The following ARHGDIB variants were observed in gnomAD, a reference collection of about 807,000 sequenced individuals.
ARHGDIB encodes the protein Rho GDP dissociation inhibitor beta.
In ARHGDIB, 20 loss-of-function variants were observed where a neutral mutation model predicts 22.6. That is an observed-to-expected ratio of 0.88 (90% confidence interval 0.62 to 1.28). The LOEUF (loss-of-function observed/expected upper bound fraction) is 1.28. Ranked by LOEUF, ARHGDIB falls within the 50% of genes most tolerant of loss-of-function variation. ARHGDIB has a pLI of 0.00. For missense variants in ARHGDIB, 254 were observed against 245.4 expected (o/e 1.04, Z -0.23); for synonymous variants, 114 against 96.1 (o/e 1.19, Z -1.09).
chr12:14,943,104 G>C (rs2120664847), intron 5 of ARHGDIB, among the ~76,000 whole-genome samples: 1 of 152,180 alleles, frequency 6.6e-6, no homozygotes, highest in East Asian at 1.9e-4. Flanking sequence ...CCAACCTCAG[G>C]TGATCCACCC....
intron 1 of ARHGDIB, among the ~76,000 whole-genome samples, chr12:14,953,631 A>G (rs1313188633): frequency 7.2e-6 from 1 of 138,436 alleles, no homozygotes; most frequent in Non-Finnish European, 1.6e-5. Flanking sequence ...TAATTATCTC[A>G]AGGAAAAAAA....
intron 1 of ARHGDIB, among the ~76,000 whole-genome samples, chr12:14,952,964 A>G (rs1323906082): frequency 6.6e-6 from 1 of 152,020 alleles, no homozygotes; most frequent in Non-Finnish European, 1.5e-5. Flanking sequence ...TGTTGAAAAG[A>G]GAAAGAGAGA....
intron 1 of ARHGDIB, among the ~76,000 whole-genome samples, chr12:14,952,050 C>T (rs1674652922): frequency 6.6e-6 from 1 of 152,070 alleles, no homozygotes; most frequent in Non-Finnish European, 1.5e-5. Flanking sequence ...TAACTCTTTT[C>T]CCTGCCTGTG....
At chr12:14,949,695 T>C in intron 3 of ARHGDIB, 107 bp downstream of exon 3, 1 of 964,858 alleles carries the variant, frequency 1.0e-6, no homozygotes, top group East Asian at 2.5e-5. Context: ...CTAGCATATA[T>C]ATCTCTCTGA....
At position 14,948,371 on chromosome 12, in the gene ARHGDIB, T is replaced by C. The variant is rs558364891; in HGVS notation, c.266-422A>G. On this transcript the variant is annotated intron_variant, in intron 3 of 5. Coordinates refer to ENST00000228945, the MANE Select transcript of ARHGDIB (RefSeq NM_001175.7). Reference sequence around the variant, plus strand: ...TAAAACATATAAGAAAAATAGTATTTAGGAGTGTCAGCTATTTGTTTTTAT... The same window carrying C: ...TAAAACATATAAGAAAAATAGTATTCAGGAGTGTCAGCTATTTGTTTTTAT... Among the ~76,000 whole-genome samples the C allele has an allele frequency of 4.1e-4, 63 of 152,328 alleles. 2 individuals are homozygous for C. Among genetic ancestry groups the C allele is most frequent in the Admixed American group, 3.6e-3 (55 of 15,298 alleles).
rs749179522 is a variant in ARHGDIB, at chr12:14,950,660, A to T, written c.53T>A (p.Leu18Gln). 3 of 1,613,896 alleles carry T rather than the reference A, an allele frequency of 1.9e-6. No individual in the cohort carries two copies. ...AGGCTTATAATTGAGCTTGCTGTCC[A>T]GCTCATCATCGTCATCCTCCTCCAC... ...PHVEEDDDDE[L>Q]DSKLNYKPPP... Residue 18 changes from leucine to glutamine, a missense_variant, in exon 2 of 6, where the codon CTG becomes CAG. Transcript: ENST00000228945.
intron 1 of ARHGDIB, among the ~76,000 whole-genome samples, chr12:14,959,081 C>A (rs559779733): frequency 9.2e-5 from 14 of 152,190 alleles, no homozygotes; most frequent in Non-Finnish European, 1.9e-4. Context: ...TGCGTTCACG[C>A]CCCTGCACTT....
At chr12:14,953,679 G>T (rs947841649) in intron 1 of ARHGDIB, among the ~76,000 whole-genome samples, 1 of 151,996 alleles carries the variant, frequency 6.6e-6, no homozygotes, top group African/African-American at 2.4e-5. Flanking sequence ...TATGATCCAG[G>T]GGTTTGTGGA....
At position 14,944,827 on chromosome 12, in the gene ARHGDIB, T is replaced by C; in HGVS notation, c.355A>G (p.Ile119Val). Reference sequence around the variant, plus strand: ...TGAACGTATTTCAGGCCTGACACAATATCCCTGTTCACCTGCAGGTGGGAA... The same window carrying C: ...TGAACGTATTTCAGGCCTGACACAACATCCCTGTTCACCTGCAGGTGGGAA... ...VKIHFKVNRD[I>V]VSGLKYVQHT... The change falls in exon 5 of 6, where the codon ATT (isoleucine) becomes GTT (valine). Residue 119 changes from isoleucine to valine, a missense_variant. Transcript: ENST00000228945. The C allele has an allele frequency of 6.2e-7, 1 of 1,613,406 alleles. No homozygotes were observed. Among genetic ancestry groups the C allele is most frequent in the Non-Finnish European group, 8.5e-7 (1 of 1,179,654 alleles).
rs1294181240 is a variant in ARHGDIB, at chr12:14,947,894, A to G, written c.321T>C (p.Tyr107=). ...TTACTTTGAAGTGAATTTTGACTCT[A>G]TATTCAGAACCTTCCTTTAACACAA... is the stretch of plus-strand genomic sequence containing the variant. ...ETIVLKEGSE[Y]RVKIHFKVNR... Residue 107 remains tyrosine (Y), a synonymous_variant, in exon 4 of 6, where the codon TAT becomes TAC. Coordinates refer to ENST00000228945, the MANE Select transcript of ARHGDIB (RefSeq NM_001175.7). The G allele has an allele frequency of 6.2e-7, 1 of 1,612,968 alleles. No homozygotes were observed. Among genetic ancestry groups the G allele is most frequent in the South Asian group, 1.1e-5 (1 of 91,062 alleles).
intron 3 of ARHGDIB, 133 bp from the exon 4 acceptor site, chr12:14,948,082 T>C: frequency 1.5e-6 from 1 of 652,842 alleles, no homozygotes; most frequent in Non-Finnish European, 2.7e-6. Context: ...ATTCACAGAG[T>C]ATTTGAGTTT....
At chr12:14,959,377 T>C (rs1864366373) in intron 1 of ARHGDIB, among the ~76,000 whole-genome samples, 1 of 152,196 alleles carries the variant, frequency 6.6e-6, no homozygotes, top group African/African-American at 2.4e-5. Context: ...CGCACCACCA[T>C]GCCCTGTGAA....
chr12:14,957,816 T>C (rs891267398), intron 1 of ARHGDIB, among the ~76,000 whole-genome samples: 5 of 146,238 alleles, frequency 3.4e-5, no homozygotes, highest in Admixed American at 2.7e-4. Flanking sequence ...GTAGAAGAGA[T>C]AGCGATGAGA....
At chr12:14,952,589 A>G (rs1033694324) in intron 1 of ARHGDIB, among the ~76,000 whole-genome samples, 4 of 152,230 alleles carry the variant, frequency 2.6e-5, no homozygotes, top group African/African-American at 9.6e-5. Context: ...TTGGAAAAAA[A>G]TGAAGGAGGC....
chr12:14,948,100 G>GCACA (rs56206040), intron 3 of ARHGDIB, 151 bp from the exon 4 acceptor site: 18,285 of 435,252 alleles, frequency 0.042, 471 homozygotes, highest in Admixed American at 0.088. Flanking sequence ...TTTAGTCCTT[G>GCACA]CACACACACA....
intron 3 of ARHGDIB, 151 bp from the exon 4 acceptor site, chr12:14,948,100 G>T: frequency 2.8e-5 from 12 of 436,270 alleles, no homozygotes; most frequent in East Asian, 1.2e-4. Context: ...TTTAGTCCTT[G>T]CACACACACA....
intron 1 of ARHGDIB, among the ~76,000 whole-genome samples, chr12:14,952,331 T>G (rs1321583876): frequency 3.3e-5 from 5 of 150,270 alleles, no homozygotes; most frequent in African/African-American, 2.4e-5. Context: ...GCTCATCAAT[T>G]CTCTTCCATC....
At chr12:14,951,926 A>G (rs1864185366) in intron 1 of ARHGDIB, among the ~76,000 whole-genome samples, 2 of 152,056 alleles carry the variant, frequency 1.3e-5, no homozygotes, top group South Asian at 2.1e-4. Context: ...AAGAGGAAGA[A>G]GTCCCTCTGG....
chr12:14,947,350 A>T (rs1565460199), intron 4 of ARHGDIB, among the ~76,000 whole-genome samples: 2 of 152,162 alleles, frequency 1.3e-5, no homozygotes, highest in Non-Finnish European at 2.9e-5. Context: ...CCAGTTCTTT[A>T]GCAAAGATCA....
Sources: gnomAD v4.1 joint callset for allele counts (sites outside exome capture counted in the v4.1 genomes callset) on GRCh38, gnomAD v4.1.1 for gene constraint, MANE v1.5 for transcripts, NCBI Gene and HGNC (gene_info 2026-07-23, HGNC 2026-07-21) for gene names.